Variants in SPOCK3 observed in about 807,000 individuals in gnomAD.
The protein encoded by SPOCK3 is SPARC (osteonectin), cwcv and kazal like domains proteoglycan 3.
SPOCK3 carries 30 observed loss-of-function variants against 56.6 expected under a neutral mutation model. That is an observed-to-expected ratio of 0.53 (90% CI 0.40 to 0.72). The LOEUF (loss-of-function observed/expected upper bound fraction) is 0.72. Ranked by LOEUF, SPOCK3 falls within the 30% of genes least tolerant of loss-of-function variation. SPOCK3 has a pLI of 0.00. For missense variants in SPOCK3, 527 were observed against 530.0 expected (o/e 0.99, Z 0.06); for synonymous variants, 196 against 183.3 (o/e 1.07, Z -0.56).
chr4:167,123,981 G>A lies in SPOCK3; in HGVS notation c.190-61444C>T, dbSNP rs139887435. On this transcript the variant is annotated intron_variant, in intron 2 of 10. Coordinates refer to ENST00000357545, the MANE Select transcript of SPOCK3 (RefSeq NM_001040159.2). ...AGGCTGGTCTCGAACTCCTGACCTC[G>A]TGATCTGCCTGCCTCGGCCTCCCAA... 2.6e-3 allele frequency among the ~76,000 whole-genome samples: 394 copies of A among 151,984 alleles called. 7 individuals carry two copies. In the East Asian group the frequency reaches 0.027, roughly 10 times the overall value.
chr4:167,140,556 A>T (rs1305526412), intron 2 of SPOCK3, among the ~76,000 whole-genome samples: 3 of 152,028 alleles, frequency 2.0e-5, no homozygotes, highest in Non-Finnish European at 4.4e-5. Context: ...TAGGAATCTC[A>T]TCCATTAACC....
chr4:166,776,494 TA>T (rs2126596412), intron 7 of SPOCK3, among the ~76,000 whole-genome samples: 1 of 152,260 alleles, frequency 6.6e-6, no homozygotes, highest in East Asian at 1.9e-4. Context: ...AAGGACATTT[TA>T]AAATATGAAT....
intron 4 of SPOCK3, among the ~76,000 whole-genome samples, chr4:166,916,016 C>T (rs1737809188): frequency 6.6e-6 from 1 of 151,634 alleles, no homozygotes; most frequent in Admixed American, 6.6e-5. Flanking sequence ...ATTATTTTTT[C>T]AAAAAAATAT....
intron 2 of SPOCK3, among the ~76,000 whole-genome samples, chr4:167,178,452 A>G (rs1356454468): frequency 6.6e-6 from 1 of 152,166 alleles, no homozygotes; most frequent in African/African-American, 2.4e-5. Context: ...ACTGTTGTCC[A>G]TGAAATTACC....
intron 7 of SPOCK3, among the ~76,000 whole-genome samples, chr4:166,767,142 T>C (rs13114149): frequency 0.33 from 49,860 of 151,520 alleles, 8,354 homozygotes; most frequent in Admixed American, 0.41. Flanking sequence ...AAAACCAGCT[T>C]CTGGATTCAT....
chr4:167,182,220 G>T (rs1731530320), intron 2 of SPOCK3, among the ~76,000 whole-genome samples: 1 of 151,898 alleles, frequency 6.6e-6, no homozygotes, highest in African/African-American at 2.4e-5. Context: ...TTTAAATAAT[G>T]CTTAGTTTTC....
At chr4:166,805,276 T>C (rs1001735231) in intron 6 of SPOCK3, among the ~76,000 whole-genome samples, 6 of 152,118 alleles carry the variant, frequency 3.9e-5, no homozygotes, top group African/African-American at 1.4e-4. Context: ...TGTTACTCTT[T>C]TTAAAAGAAA....
chr4:167,021,780 CG>C (rs1360917871), intron 3 of SPOCK3, among the ~76,000 whole-genome samples: 1 of 151,980 alleles, frequency 6.6e-6, no homozygotes, highest in Non-Finnish European at 1.5e-5. Context: ...AAGATAATTT[CG>C]GATGGCACAA....
intron 2 of SPOCK3, among the ~76,000 whole-genome samples, chr4:167,208,553 C>A (rs1204717860): frequency 2.6e-5 from 4 of 152,054 alleles, no homozygotes; most frequent in Non-Finnish European, 4.4e-5. Flanking sequence ...CTTGGGCAAA[C>A]ATCTTCAATT....
intron 4 of SPOCK3, among the ~76,000 whole-genome samples, chr4:166,976,219 A>G (rs1290252707): frequency 6.6e-6 from 1 of 152,120 alleles, no homozygotes; most frequent in Non-Finnish European, 1.5e-5. Flanking sequence ...GCTCAGATCA[A>G]ACTTTTGGAG....
intron 2 of SPOCK3, among the ~76,000 whole-genome samples, chr4:167,208,371 G>A (rs559451351): frequency 1.3e-5 from 2 of 152,240 alleles, no homozygotes; most frequent in African/African-American, 4.8e-5. Flanking sequence ...AATAGGAAAT[G>A]TAGTTGGTTT....
intron 8 of SPOCK3, among the ~76,000 whole-genome samples, chr4:166,750,692 A>G (rs1369240299): frequency 6.6e-6 from 1 of 152,190 alleles, no homozygotes; most frequent in African/African-American, 2.4e-5. Flanking sequence ...TTTCAATACA[A>G]CAGTAACAAT....
chr4:166,785,242 G>A (rs570704321), intron 7 of SPOCK3, among the ~76,000 whole-genome samples: 119 of 152,026 alleles, frequency 7.8e-4, no homozygotes, highest in Non-Finnish European at 1.5e-4. Context: ...TAGCTCTAAA[G>A]TAAATCCAAA....
At chr4:166,956,440 C>T (rs894449804) in intron 4 of SPOCK3, among the ~76,000 whole-genome samples, 1 of 152,052 alleles carries the variant, frequency 6.6e-6, no homozygotes, top group African/African-American at 2.4e-5. Flanking sequence ...GATCCAATAA[C>T]CAAACCAGCT....
intron 8 of SPOCK3, among the ~76,000 whole-genome samples, chr4:166,744,781 G>T (rs1446172407): frequency 2.0e-5 from 3 of 152,088 alleles, no homozygotes; most frequent in Non-Finnish European, 4.4e-5. Context: ...ACAGCATAGG[G>T]AAGACCTTAA....
chr4:166,808,587 G>A (rs1372089561), intron 6 of SPOCK3, among the ~76,000 whole-genome samples: 1 of 152,008 alleles, frequency 6.6e-6, no homozygotes, highest in African/African-American at 2.4e-5. Context: ...CTAGAACAAT[G>A]AGAAAAGACA....
intron 4 of SPOCK3, among the ~76,000 whole-genome samples, chr4:166,981,602 G>A (rs1427095306): frequency 1.3e-5 from 2 of 152,138 alleles, no homozygotes; most frequent in African/African-American, 4.8e-5. Context: ...GGGAGTCCAC[G>A]GGCAGGCCTG....
intron 4 of SPOCK3, among the ~76,000 whole-genome samples, chr4:166,988,116 A>G (rs1747363492): frequency 6.6e-6 from 1 of 152,252 alleles, no homozygotes; most frequent in Non-Finnish European, 1.5e-5. Flanking sequence ...GAATACAAAC[A>G]TAAGAAATGA....
At chr4:167,123,426 C>G (rs1580364966) in intron 2 of SPOCK3, among the ~76,000 whole-genome samples, 1 of 152,094 alleles carries the variant, frequency 6.6e-6, no homozygotes, top group East Asian at 1.9e-4. Flanking sequence ...CTAGGCACTG[C>G]AAATTTATTT....
Sources: gnomAD v4.1 joint callset for allele counts (sites outside exome capture counted in the v4.1 genomes callset) on GRCh38, gnomAD v4.1.1 for gene constraint, MANE v1.5 for transcripts, NCBI Gene and HGNC (gene_info 2026-07-23, HGNC 2026-07-21) for gene names.